CDH23: variants seen among roughly 807,000 people sequenced by gnomAD.
The protein encoded by CDH23 is cadherin-23.
In CDH23, 189 loss-of-function variants were observed where a neutral mutation model predicts 317.1. The observed-to-expected ratio is 0.60, with a 90% CI of 0.53 to 0.67. CDH23 has a LOEUF of 0.67. Among genes scored for constraint, CDH23 ranks in the 30% least tolerant of loss-of-function variants. CDH23 has a pLI of 0.00. For synonymous variants in CDH23, 1,839 were observed against 1,876.8 expected, an observed-to-expected ratio of 0.98 and a Z score of 0.52; for missense variants, 4,401 against 4,592.4, an observed-to-expected ratio of 0.96 and a Z score of 1.20.
chr10:71,552,337 C>A lies in CDH23; in HGVS notation c.430-14405C>A, dbSNP rs1200350033. ...AGGGACAGGGCAACAGGGGGCCAGG[C>A]CTCTGGCGTCCTGGCTTATAGTGCC... On this transcript the variant is annotated intron_variant, in intron 6 of 69. Coordinates refer to ENST00000224721, the MANE Select transcript of CDH23 (RefSeq NM_022124.6). Among the ~76,000 whole-genome samples the A allele has an allele frequency of 5.3e-5, 8 of 152,330 alleles. No homozygotes were observed. In the East Asian group the frequency reaches 1.5e-3, roughly 29 times the overall value.
chr10:71,655,005 T>C (rs1863356707), intron 14 of CDH23, among the ~76,000 whole-genome samples: 1 of 152,156 alleles, frequency 6.6e-6, no homozygotes, highest in Non-Finnish European at 1.5e-5. Context: ...GTAAATGTCA[T>C]AGAAACACTC....
chr10:71,711,810 G>A (rs1865980390), intron 27 of CDH23: 1 of 152,104 alleles, frequency 6.6e-6, no homozygotes, highest in African/African-American at 2.4e-5. Context: ...GTCCGCTGTG[G>A]ACTGGAGTGG....
intron 1 of CDH23, among the ~76,000 whole-genome samples, chr10:71,404,157 A>G (rs1847988573): frequency 6.6e-6 from 1 of 152,246 alleles, no homozygotes; most frequent in Non-Finnish European, 1.5e-5. Context: ...AACAGATCTT[A>G]AGTGGAAGTG....
At chr10:71,734,054 A>G (rs1839477739) in intron 32 of CDH23, among the ~76,000 whole-genome samples, 186 bp from the exon 33 acceptor site, 1 of 152,216 alleles carries the variant, frequency 6.6e-6, no homozygotes, top group Admixed American at 6.5e-5. Context: ...GGGAAGCAGG[A>G]AGGCTTCATG....
At chr10:71,739,611 C>A (rs556558182) in intron 35 of CDH23, 33 bp from the exon 36 acceptor site, 1 of 1,607,032 alleles carries the variant, frequency 6.2e-7, no homozygotes, top group East Asian at 2.2e-5. Flanking sequence ...TCCTCCACAC[C>A]TGCTCACCCC....
chr10:71,482,806 G>A (rs147881451), intron 3 of CDH23, among the ~76,000 whole-genome samples: 1,575 of 152,336 alleles, frequency 0.01, 15 homozygotes, highest in Non-Finnish European at 0.014. Context: ...AGGTGCCCGA[G>A]TTGAGCGGAT....
intron 9 of CDH23, among the ~76,000 whole-genome samples, chr10:71,601,606 C>T (rs1860220255): frequency 6.6e-6 from 1 of 152,140 alleles, no homozygotes; most frequent in South Asian, 2.1e-4. Flanking sequence ...TGGGAATCTC[C>T]AGATTCCCTG....
chr10:71,765,687 G>A (rs574935368), intron 38 of CDH23, among the ~76,000 whole-genome samples: 4 of 152,144 alleles, frequency 2.6e-5, no homozygotes, highest in Non-Finnish European at 5.9e-5. Context: ...CAGGGAGTAC[G>A]GGAGAGGGGG....
chr10:71,633,889 C>T (rs1862136313), intron 11 of CDH23, among the ~76,000 whole-genome samples: 2 of 152,196 alleles, frequency 1.3e-5, no homozygotes, highest in Non-Finnish European at 2.9e-5. Flanking sequence ...AAGGTGGAAT[C>T]ACTCTTGGAG....
At chr10:71,493,758 G>GT (rs1279310207) in intron 3 of CDH23, among the ~76,000 whole-genome samples, 1 of 152,168 alleles carries the variant, frequency 6.6e-6, no homozygotes, top group East Asian at 1.9e-4. Flanking sequence ...ACCAAGGAAC[G>GT]TTTTTTCACA....
At chr10:71,554,720 T>C (rs1856785139) in intron 6 of CDH23, among the ~76,000 whole-genome samples, 1 of 141,812 alleles carries the variant, frequency 7.1e-6, no homozygotes, top group South Asian at 2.3e-4. Flanking sequence ...CTGCAGAAAG[T>C]TGTGAGAATT....
intron 9 of CDH23, among the ~76,000 whole-genome samples, chr10:71,603,515 A>C (rs1038518330): frequency 3.3e-5 from 5 of 151,998 alleles, no homozygotes. Flanking sequence ...CTTGGCTCCC[A>C]CTCTTAGCCC....
At chr10:71,715,992 G>A in intron 28 of CDH23, 1 of 1,496,920 alleles carries the variant, frequency 6.7e-7, no homozygotes, top group Non-Finnish European at 8.9e-7. Context: ...TCGGGGCCCG[G>A]CAGGGGCTGT....
intron 47 of CDH23, 27 bp from the exon 48 acceptor site, chr10:71,793,155 A>G (rs376930254): frequency 6.4e-7 from 1 of 1,563,056 alleles, no homozygotes; most frequent in African/African-American, 1.4e-5. Context: ...CACTGTGCGC[A>G]GCTACTCCCT....
At chr10:71,651,938 G>A (rs2132611632) in intron 14 of CDH23, among the ~76,000 whole-genome samples, 1 of 152,342 alleles carries the variant, frequency 6.6e-6, no homozygotes, top group East Asian at 1.9e-4. Flanking sequence ...GAGGCGAAGT[G>A]CTGAGGAAGG....
chr10:71,760,545 T>C, intron 38 of CDH23: 1 of 247,992 alleles, frequency 4.0e-6, no homozygotes, highest in Non-Finnish European at 7.8e-6. Flanking sequence ...CATAGGGGGC[T>C]GGTGGGCAGG....
chr10:71,719,477 A>G (rs560448432), intron 28 of CDH23: 2 of 152,408 alleles, frequency 1.3e-5, no homozygotes, highest in Non-Finnish European at 2.9e-5. Flanking sequence ...GCTAGTCCCT[A>G]CCCCTTACTG....
At chr10:71,585,413 T>C (rs7077295) in intron 9 of CDH23, among the ~76,000 whole-genome samples, 28,727 of 152,174 alleles carry the variant, frequency 0.19, 2,843 homozygotes, top group South Asian at 0.34. Flanking sequence ...AAGCCTTTCT[T>C]ACCTGCCCTC....
At chr10:71,648,973 T>C (rs573939760) in intron 14 of CDH23, among the ~76,000 whole-genome samples, 57 of 152,340 alleles carry the variant, frequency 3.7e-4, no homozygotes, top group African/African-American at 1.3e-3. Flanking sequence ...GGACCCCGCG[T>C]GCTGGCCTAT....
Sources: allele counts gnomAD v4.1 joint callset (sites outside exome capture counted in the v4.1 genomes callset), GRCh38; gene constraint gnomAD v4.1.1; transcripts MANE v1.5; gene names NCBI Gene and HGNC (gene_info 2026-07-23, HGNC 2026-07-21).